SEMA3A: variants seen among roughly 807,000 people sequenced by gnomAD.
SEMA3A encodes semaphorin-3A.
A neutral mutation model predicts 97.9 loss-of-function variants in SEMA3A; 29 were observed. That is an observed-to-expected ratio of 0.30 (90% CI 0.22 to 0.40). The LOEUF (loss-of-function observed/expected upper bound fraction) is 0.40, where lower values mean the gene tolerates loss of function less well. Ranked by LOEUF, SEMA3A falls within the 10% of genes least tolerant of loss-of-function variation. The pLI, the probability that SEMA3A is intolerant of heterozygous loss-of-function variation, is 1.00. For synonymous variants in SEMA3A, 321 were observed against 323.7 expected (o/e 0.99, Z 0.09); for missense variants, 763 against 951.3 (o/e 0.80, Z 2.60).
chr7:84,210,342 T>G (rs1026180767), intron 3 of SEMA3A, among the ~76,000 whole-genome samples: 1 of 152,118 alleles, frequency 6.6e-6, no homozygotes, highest in African/African-American at 2.4e-5. Flanking sequence ...GGAGAGGGTG[T>G]CTGACTTGGG....
At position 84,014,369 on chromosome 7, in the gene SEMA3A, G is replaced by A. The variant is rs755999319; in HGVS notation, c.668-18C>T. On this transcript the variant is annotated intron_variant, in intron 6 of 16. Transcript: ENST00000265362. The stretch of plus-strand genomic sequence containing the variant: ...CTTTGGATCTGAGAGACAAATAATA[G>A]CGTATATATTAATTCACAGCTTAAT... The A allele has an allele frequency of 2.5e-6, 4 of 1,583,358 alleles. No individual in the cohort carries two copies. Among genetic ancestry groups the A allele is most frequent in the South Asian group, 1.1e-5 (1 of 89,992 alleles).
At chr7:84,030,213 A>C (rs1387121563) in intron 6 of SEMA3A, among the ~76,000 whole-genome samples, 2 of 152,176 alleles carry the variant, frequency 1.3e-5, no homozygotes, top group South Asian at 4.1e-4. Context: ...GCTCTGTGAT[A>C]GCAAGTAATT....
intron 3 of SEMA3A, among the ~76,000 whole-genome samples, chr7:84,219,953 T>G (rs1798838956): frequency 6.6e-6 from 1 of 152,154 alleles, no homozygotes; most frequent in Non-Finnish European, 1.5e-5. Flanking sequence ...CTGTAGCAAT[T>G]TCTTAAACTA....
intron 6 of SEMA3A, among the ~76,000 whole-genome samples, chr7:84,036,749 T>C (rs1044243965): frequency 1.3e-5 from 2 of 152,154 alleles, no homozygotes; most frequent in Non-Finnish European, 2.9e-5. Context: ...CTCTATCATA[T>C]TATATTACAT....
chr7:84,435,433 C>A (rs1032495440), intron 1 of SEMA3A, among the ~76,000 whole-genome samples: 4 of 152,112 alleles, frequency 2.6e-5, no homozygotes, highest in Non-Finnish European at 4.4e-5. Flanking sequence ...CATGGTGAAA[C>A]CCCGTCTCTA....
At chr7:84,337,392 C>T (rs1294969771) in intron 2 of SEMA3A, among the ~76,000 whole-genome samples, 1 of 151,996 alleles carries the variant, frequency 6.6e-6, no homozygotes, top group East Asian at 1.9e-4. Context: ...ATTTTCCATC[C>T]CTTAAAGCAG....
chr7:84,484,904 T>A (rs1430201017), intron 1 of SEMA3A, among the ~76,000 whole-genome samples: 1 of 152,210 alleles, frequency 6.6e-6, no homozygotes, highest in Non-Finnish European at 1.5e-5. Context: ...AAACAGTTTT[T>A]ATTGCAACCT....
At chr7:84,033,025 A>G (rs1791815272) in intron 6 of SEMA3A, among the ~76,000 whole-genome samples, 1 of 152,100 alleles carries the variant, frequency 6.6e-6, no homozygotes, top group Non-Finnish European at 1.5e-5. Context: ...GCTTCTGACA[A>G]AAAGATGTTT....
intron 1 of SEMA3A, among the ~76,000 whole-genome samples, chr7:84,438,587 T>C (rs546730731): frequency 6.6e-6 from 1 of 152,162 alleles, no homozygotes; most frequent in South Asian, 2.1e-4. Context: ...TTATCAAAGA[T>C]TGCCAGAAAA....
chr7:84,337,652 A>G (rs1247961859), intron 2 of SEMA3A, among the ~76,000 whole-genome samples: 1 of 152,084 alleles, frequency 6.6e-6, no homozygotes, highest in South Asian at 2.1e-4. Flanking sequence ...TTGTGTTGAG[A>G]TCTCAATGAA....
chr7:84,357,529 C>T (rs1802595164), intron 2 of SEMA3A, among the ~76,000 whole-genome samples: 1 of 152,112 alleles, frequency 6.6e-6, no homozygotes, highest in Non-Finnish European at 1.5e-5. Flanking sequence ...TTAATCCAGT[C>T]TATCATTGTT....
At chr7:84,018,123 A>G (rs1045069800) in intron 6 of SEMA3A, among the ~76,000 whole-genome samples, 1 of 152,154 alleles carries the variant, frequency 6.6e-6, no homozygotes, top group Non-Finnish European at 1.5e-5. Flanking sequence ...CGACAAATAT[A>G]CATCTTTAAT....
intron 15 of SEMA3A, among the ~76,000 whole-genome samples, chr7:83,969,144 T>A (rs1788827537): frequency 6.6e-6 from 1 of 152,198 alleles, no homozygotes; most frequent in Admixed American, 6.5e-5. Flanking sequence ...TCTTAAAATA[T>A]ACTTGTACAA....
intron 1 of SEMA3A, among the ~76,000 whole-genome samples, chr7:84,396,496 C>T (rs72612652): frequency 0.068 from 10,237 of 151,652 alleles, 385 homozygotes; most frequent in East Asian, 0.12. Context: ...GCAGCAACAA[C>T]GGAAGATAGA....
chr7:84,037,918 T>C (rs1202954827), intron 6 of SEMA3A, among the ~76,000 whole-genome samples: 2 of 152,130 alleles, frequency 1.3e-5, no homozygotes, highest in Non-Finnish European at 2.9e-5. Context: ...TAGTAACCCA[T>C]ATATTTCTAC....
At chr7:84,158,622 A>G (rs1796929160) in intron 1 of SEMA3A, among the ~76,000 whole-genome samples, 1 of 152,152 alleles carries the variant, frequency 6.6e-6, no homozygotes, top group Non-Finnish European at 1.5e-5. Flanking sequence ...CAACTAGATG[A>G]TAAGTGTCAT....
chr7:83,978,054 C>T (rs773844855), intron 14 of SEMA3A, among the ~76,000 whole-genome samples: 4 of 152,044 alleles, frequency 2.6e-5, no homozygotes, highest in East Asian at 1.9e-4. Flanking sequence ...CCGCCCTCCT[C>T]GGCCTCCCAA....
rs561201274 is a variant in SEMA3A, at chr7:84,074,856, T to C, written c.454-14298A>G. On this transcript the variant is annotated intron_variant, in intron 4 of 16. Coordinates refer to ENST00000265362, the MANE Select transcript of SEMA3A (RefSeq NM_006080.3). ...ACTTTAGGAAAAAAATCTCAGCAAC[T>C]ACAACTACAAAGCAACTATAATTGT... Among the ~76,000 whole-genome samples the C allele has an allele frequency of 2.0e-5, 3 of 152,204 alleles. No homozygotes were observed. In the East Asian group the frequency reaches 5.8e-4, roughly 29 times the overall value.
intron 1 of SEMA3A, among the ~76,000 whole-genome samples, chr7:84,446,964 C>T (rs1050213661): frequency 1.3e-5 from 2 of 152,112 alleles, no homozygotes; most frequent in Non-Finnish European, 2.9e-5. Context: ...CAGCTGGGGA[C>T]CCAGGCATCC....
Sources: gnomAD v4.1 joint callset for allele counts (sites outside exome capture counted in the v4.1 genomes callset) on GRCh38, gnomAD v4.1.1 for gene constraint, MANE v1.5 for transcripts, NCBI Gene and HGNC (gene_info 2026-07-23, HGNC 2026-07-21) for gene names.